The following TAFA1 variants were observed in gnomAD, a reference collection of about 807,000 sequenced individuals.
The protein encoded by TAFA1 is TAFA chemokine like family member 1.
TAFA1 carries 4 observed loss-of-function variants against 18.5 expected under a neutral mutation model. The ratio of observed to expected loss-of-function variants is 0.22; its 90% CI spans 0.11 to 0.49. TAFA1 has a LOEUF of 0.49. Ranked by LOEUF, TAFA1 falls within the 20% of genes least tolerant of loss-of-function variation. TAFA1 has a pLI of 0.98. For synonymous variants in TAFA1, 56 were observed against 55.2 expected (o/e 1.01, Z -0.06); for missense variants, 147 against 169.0 (o/e 0.87, Z 0.72).
intron 3 of TAFA1, among the ~76,000 whole-genome samples, chr3:68,498,060 G>A (rs554335758): frequency 6.6e-6 from 1 of 152,080 alleles, no homozygotes; most frequent in African/African-American, 2.4e-5. Context: ...CTTTACCAAC[G>A]TAGCTTGAGG....
intron 2 of TAFA1, among the ~76,000 whole-genome samples, chr3:68,113,400 T>C (rs565850111): frequency 6.6e-6 from 1 of 152,236 alleles, no homozygotes; most frequent in East Asian, 1.9e-4. Context: ...TCACACCATT[T>C]ACAAAAATCA....
intron 2 of TAFA1, among the ~76,000 whole-genome samples, chr3:68,039,738 T>C (rs1325402614): frequency 1.3e-5 from 2 of 152,068 alleles, no homozygotes; most frequent in Non-Finnish European, 2.9e-5. Context: ...AGTGGGCAAA[T>C]GAGACAGGGA....
intron 2 of TAFA1, among the ~76,000 whole-genome samples, chr3:68,223,330 G>A (rs940376755): frequency 6.6e-6 from 1 of 152,126 alleles, no homozygotes; most frequent in Non-Finnish European, 1.5e-5. Flanking sequence ...CAATAAATGA[G>A]CACTTACTAT....
intron 2 of TAFA1, among the ~76,000 whole-genome samples, chr3:68,402,427 A>T (rs2070515143): frequency 6.6e-6 from 1 of 152,196 alleles, no homozygotes; most frequent in Admixed American, 6.5e-5. Context: ...TATCATCTTG[A>T]TAAACAGTCT....
At chr3:68,120,326 T>C (rs1336404079) in intron 2 of TAFA1, among the ~76,000 whole-genome samples, 1 of 151,786 alleles carries the variant, frequency 6.6e-6, no homozygotes, top group African/African-American at 2.4e-5. Context: ...CTCAGTTCAC[T>C]ACAACCTCTG....
intron 2 of TAFA1, among the ~76,000 whole-genome samples, chr3:68,277,486 GA>G (rs1466132139): frequency 6.6e-6 from 1 of 151,808 alleles, no homozygotes; most frequent in African/African-American, 2.4e-5. Context: ...GGAAAAGGGG[GA>G]AAAGCCAAAG....
intron 2 of TAFA1, among the ~76,000 whole-genome samples, chr3:68,158,503 G>A (rs542319966): frequency 3.6e-4 from 55 of 151,224 alleles, no homozygotes; most frequent in African/African-American, 1.2e-3. Context: ...GCCATTTTTC[G>A]TGTCAGCTTG....
chr3:68,300,514 C>T (rs892945774), intron 2 of TAFA1, among the ~76,000 whole-genome samples: 2 of 152,086 alleles, frequency 1.3e-5, no homozygotes, highest in South Asian at 2.1e-4. Flanking sequence ...TCAGATGAGG[C>T]TTTGGACTTG....
intron 2 of TAFA1, among the ~76,000 whole-genome samples, chr3:68,185,231 T>A (rs1575667023): frequency 6.6e-6 from 1 of 151,984 alleles, no homozygotes; most frequent in Non-Finnish European, 1.5e-5. Flanking sequence ...GCCAGTAAAG[T>A]GAGGGTAAGA....
chr3:68,174,797 A>C (rs2066103002), intron 2 of TAFA1, among the ~76,000 whole-genome samples: 2 of 152,374 alleles, frequency 1.3e-5, no homozygotes, highest in African/African-American at 4.8e-5. Context: ...AAATTTGCAT[A>C]AGTAACAAGG....
At chr3:68,049,430 T>C (rs913405517) in intron 2 of TAFA1, among the ~76,000 whole-genome samples, 7 of 152,028 alleles carry the variant, frequency 4.6e-5, no homozygotes, top group African/African-American at 1.7e-4. Flanking sequence ...TGTGTGGGTT[T>C]TTTTAATCCC....
chr3:68,111,715 A>G (rs1200230702), intron 2 of TAFA1, among the ~76,000 whole-genome samples: 1 of 152,104 alleles, frequency 6.6e-6, no homozygotes, highest in African/African-American at 2.4e-5. Flanking sequence ...AAATAATTTC[A>G]AAAAGTGTAT....
rs181705617 is a variant in TAFA1 at position 68,544,383 on chromosome 3, A to T, written c.385-103A>T. 6.4e-4 allele frequency: 763 copies of T among 1,184,998 alleles called. 5 individuals are homozygous for T. In the Admixed American group the frequency reaches 0.014, roughly 23 times the overall value. The allele number at this position is 1,184,998 out of a possible 1,614,324, so 73.4% of individuals were successfully genotyped here. A position where few individuals can be genotyped will look rare whatever the true frequency, so the allele number is the denominator to read the frequency against. On this transcript the variant is annotated intron_variant, in intron 4 of 4. Coordinates refer to ENST00000478136, the MANE Select transcript of TAFA1 (RefSeq NM_213609.4). ...TTCAGATCACCTGAAAAAAAGCAAC[A>T]TCCTAAAGATTCAAGGTGTCCTCCT...
Position 68,120,245 on chromosome 3 carries a change from CTTT to C in TAFA1, c.118+113502_118+113504del, listed in dbSNP as rs1559527677. Among the ~76,000 whole-genome samples the C allele has an allele frequency of 6.1e-5, 4 of 65,296 alleles. 1 individual carries two copies. The highest frequency in any genetic ancestry group is 3.6e-4 in the East Asian group (1 of 2,742). The allele number at this position is 65,296 out of a possible 152,430, so 42.8% of individuals were successfully genotyped here. A position where few individuals can be genotyped will look rare whatever the true frequency, so the allele number is the denominator to read the frequency against. On this transcript the variant is annotated intron_variant, in intron 2 of 4. Transcript: ENST00000478136. ...TCTTTCTTTCTTTCTTTCTTTCTTT[CTTT>C]CTTTCTTTCTTTCTTTTTTGAGACA...
the TAFA1 span, among the ~76,000 whole-genome samples, chr3:67,993,059 T>C: frequency 1.1e-3 from 173 of 152,336 alleles, no homozygotes; most frequent in African/African-American, 3.4e-3. Flanking sequence ...GAAAGTAAGA[T>C]GCTTGGTAGA....
intron 3 of TAFA1, among the ~76,000 whole-genome samples, chr3:68,441,704 C>A (rs2071384294): frequency 1.3e-5 from 2 of 152,142 alleles, no homozygotes; most frequent in Admixed American, 6.5e-5. Context: ...ACCTCTGCCA[C>A]CCTGCCTTTT....
At chr3:68,044,750 G>A (rs937091566) in intron 2 of TAFA1, among the ~76,000 whole-genome samples, 10 of 152,164 alleles carry the variant, frequency 6.6e-5, no homozygotes, top group African/African-American at 2.2e-4. Context: ...CCACTTGCTA[G>A]GTGTTAGACC....
intron 2 of TAFA1, among the ~76,000 whole-genome samples, chr3:68,165,007 A>G (rs943695736): frequency 6.6e-6 from 1 of 152,232 alleles, no homozygotes; most frequent in Non-Finnish European, 1.5e-5. Flanking sequence ...GTGAATGAAC[A>G]AAGAATAGCT....
At chr3:68,434,567 G>A (rs2071236615) in intron 3 of TAFA1, among the ~76,000 whole-genome samples, 1 of 151,962 alleles carries the variant, frequency 6.6e-6, no homozygotes, top group Non-Finnish European at 1.5e-5. Flanking sequence ...AAGACCTCAA[G>A]CAGAAATTTG....
Sources: gnomAD v4.1 joint callset for allele counts (sites outside exome capture counted in the v4.1 genomes callset) on GRCh38, gnomAD v4.1.1 for gene constraint, MANE v1.5 for transcripts, NCBI Gene and HGNC (gene_info 2026-07-23, HGNC 2026-07-21) for gene names.